DZIP3: variants seen among roughly 807,000 people sequenced by gnomAD.
The protein encoded by DZIP3 is E3 ubiquitin-protein ligase DZIP3.
Under a neutral mutation model 162.0 loss-of-function variants are expected in DZIP3, and 118 were observed. The ratio of observed to expected loss-of-function variants is 0.73; its 90% CI spans 0.63 to 0.85. The LOEUF (loss-of-function observed/expected upper bound fraction) is 0.85. Ranked by LOEUF, DZIP3 falls within the 40% of genes least tolerant of loss-of-function variation. The pLI, the probability that DZIP3 is intolerant of heterozygous loss-of-function variation, is 0.00. For synonymous variants in DZIP3, 438 were observed against 458.6 expected (o/e 0.96, Z 0.57); for missense variants, 1,331 against 1,407.0 (o/e 0.95, Z 0.86).
At chr3:108,603,318 A>G (rs1393538346) in intron 1 of DZIP3, 1 of 152,234 alleles carries the variant, frequency 6.6e-6, no homozygotes, top group Non-Finnish European at 1.5e-5. Flanking sequence ...GTTTGATCAC[A>G]GTTCTAAAAT....
intron 19 of DZIP3, among the ~76,000 whole-genome samples, chr3:108,661,371 A>G (rs536051898): frequency 1.3e-5 from 2 of 152,306 alleles, no homozygotes; most frequent in East Asian, 3.9e-4. Context: ...CATTCTCAGC[A>G]AACTATCGCA....
intron 1 of DZIP3, among the ~76,000 whole-genome samples, chr3:108,597,198 T>G (rs2107440080): frequency 6.6e-6 from 1 of 152,350 alleles, no homozygotes; most frequent in East Asian, 1.9e-4. Flanking sequence ...TCAGCTAAAC[T>G]CTAAATGATT....
intron 17 of DZIP3, among the ~76,000 whole-genome samples, chr3:108,650,927 T>C (rs1235558680): frequency 6.6e-6 from 1 of 151,618 alleles, no homozygotes; most frequent in East Asian, 1.9e-4. Flanking sequence ...TCACATACAA[T>C]ATGAGTAAGT....
intron 1 of DZIP3, among the ~76,000 whole-genome samples, chr3:108,599,232 A>G (rs1371041870): frequency 6.6e-6 from 1 of 152,218 alleles, no homozygotes. Flanking sequence ...CTTTTGGGAT[A>G]GAAAATATCT....
chr3:108,605,754 C>T (rs1317055070), intron 2 of DZIP3, among the ~76,000 whole-genome samples: 1 of 152,222 alleles, frequency 6.6e-6, no homozygotes, highest in African/African-American at 2.4e-5. Flanking sequence ...TGTACCTGTA[C>T]TTGTCTGTGG....
chr3:108,688,060 C>A lies in DZIP3; in HGVS notation c.3234C>A (p.Cys1078Ter). ...AACTGACATTTGATGAAATTGTTTG[C>A]AAGATTTCCCAGTTTATTGACCCCA... ...LSELTFDEIV[C>*]KISQFIDPKK... Residue 1078 changes from cysteine to a stop codon, truncating the protein, a stop_gained, in exon 29 of 33, where the codon TGC (cysteine) becomes TGA (stop). Transcript: ENST00000361582. LOFTEE classifies it high-confidence loss of function. 6.2e-7 allele frequency: 1 copy of A among 1,613,572 alleles called. No homozygotes were observed. The highest frequency in any genetic ancestry group is 8.5e-7 in the Non-Finnish European group (1 of 1,179,766).
chr3:108,687,899 A>G, intron 28 of DZIP3, 77 bp from the exon 29 acceptor site: 1 of 1,578,004 alleles, frequency 6.3e-7, no homozygotes, highest in Non-Finnish European at 8.7e-7. Context: ...AGGATTTTAT[A>G]TCTCCTTTGG....
intron 4 of DZIP3, among the ~76,000 whole-genome samples, chr3:108,613,868 A>T (rs1464654577): frequency 6.6e-6 from 1 of 152,218 alleles, no homozygotes; most frequent in Non-Finnish European, 1.5e-5. Flanking sequence ...AAGGTAAGAT[A>T]TATACCTCTA....
At chr3:108,675,406 C>T (rs770227222) in intron 24 of DZIP3, among the ~76,000 whole-genome samples, 12 of 151,940 alleles carry the variant, frequency 7.9e-5, no homozygotes, top group Non-Finnish European at 1.8e-4. Context: ...TGAAGATAGT[C>T]CAAAACTTGC....
intron 3 of DZIP3, among the ~76,000 whole-genome samples, chr3:108,610,637 G>T (rs544992576): frequency 6.6e-6 from 1 of 152,280 alleles, no homozygotes; most frequent in Admixed American, 6.5e-5. Context: ...TTGAAGGAAG[G>T]CCATCATCCA....
chr3:108,644,025 G>A, intron 13 of DZIP3, 139 bp from the exon 14 acceptor site: 1 of 1,024,724 alleles, frequency 9.8e-7, no homozygotes, highest in Non-Finnish European at 1.4e-6. Context: ...TTGAGCACTG[G>A]CTGTGGCAAA....
At chr3:108,665,530 G>C (rs62266432) in intron 21 of DZIP3, among the ~76,000 whole-genome samples, 30,909 of 151,670 alleles carry the variant, frequency 0.2, 3,722 homozygotes, top group East Asian at 0.45. Context: ...AAAGAGAGCA[G>C]AATGAGAGAG....
chr3:108,653,258 T>C (rs1269558685), intron 18 of DZIP3, among the ~76,000 whole-genome samples: 2 of 151,664 alleles, frequency 1.3e-5, no homozygotes, highest in Non-Finnish European at 3.0e-5. Flanking sequence ...TCCACAAGCA[T>C]TAATTTCATT....
At chr3:108,658,997 T>C (rs1164440539) in intron 19 of DZIP3, among the ~76,000 whole-genome samples, 1 of 151,938 alleles carries the variant, frequency 6.6e-6, no homozygotes, top group Non-Finnish European at 1.5e-5. Flanking sequence ...AGGCAATAAT[T>C]AATAGCTTAC....
intron 4 of DZIP3, among the ~76,000 whole-genome samples, chr3:108,614,671 A>G (rs1393922545): frequency 6.6e-6 from 1 of 152,096 alleles, no homozygotes; most frequent in African/African-American, 2.4e-5. Context: ...GGCAGCTCAG[A>G]AGACCCAAGG....
At chr3:108,618,834 G>A (rs548021527) in intron 5 of DZIP3, among the ~76,000 whole-genome samples, 274 of 151,840 alleles carry the variant, frequency 1.8e-3, no homozygotes, top group Non-Finnish European at 3.7e-3. Flanking sequence ...AGGCCGAGGC[G>A]GGCAGATCAC....
chr3:108,644,507 C>A lies in DZIP3; in HGVS notation c.1485C>A (p.Asp495Glu), dbSNP rs1399929938. ...GGAATATGGAACCGCCATCTTCTGA[C>A]ATCTCTAAATCTGCAGACATCCTGA... Reference protein sequence around the residue: ...KGWNMEPPSSDISKSADILRL... With the variant: ...KGWNMEPPSSEISKSADILRL... The change falls in exon 14 of 33, where the codon GAC (aspartate) becomes GAA (glutamate). Residue 495 changes from aspartate (D) to glutamate (E), a missense_variant. By Grantham distance (45) the Asp-to-Glu change is conservative. Transcript: ENST00000361582. The A allele has an allele frequency of 1.2e-6, 2 of 1,614,108 alleles. No individual in the cohort carries two copies. Among genetic ancestry groups the A allele is most frequent in the Admixed American group, 3.3e-5 (2 of 60,006 alleles).
rs1208483670 is a variant in DZIP3, at chr3:108,611,186, A to G, written c.115A>G (p.Asn39Asp). 1.3e-6 allele frequency: 2 copies of G among 1,588,930 alleles called. No individual in the cohort carries two copies. Among genetic ancestry groups the G allele is most frequent in the South Asian group, 1.2e-5 (1 of 85,802 alleles). Residue 39 changes from asparagine to aspartate, a missense_variant, in exon 4 of 33, where the codon AAT becomes GAT. Around this residue, in one of 2 missense-constraint regions of DZIP3, gnomAD observed 1,278 missense variants for 1,317.1 expected, o/e 0.97. Transcript: ENST00000361582. ...KSSGQLNKQE[N>D]DIPTDLVPVN... is the part of the protein sequence containing the mutation. ...TAATGTCTTCTAGAACAAACAGGAA[A>G]ATGACATACCTACTGATCTTGTCCC...
intron 19 of DZIP3, among the ~76,000 whole-genome samples, chr3:108,660,241 C>A (rs934645662): frequency 1.3e-5 from 2 of 152,172 alleles, no homozygotes; most frequent in African/African-American, 4.8e-5. Context: ...TCAAAGTATA[C>A]TACAAGGCTA....
Sources: gnomAD v4.1 joint callset for allele counts (sites outside exome capture counted in the v4.1 genomes callset) on GRCh38, gnomAD v4.1.1 for gene constraint, gnomAD v4.1.1 regional missense constraint, MANE v1.5 for transcripts, NCBI Gene and HGNC (gene_info 2026-07-23, HGNC 2026-07-21) for gene names.